Variants in MATCAP2 observed in about 807,000 individuals in gnomAD.
MATCAP2 encodes the protein putative tyrosine carboxypeptidase MATCAP2.
chr7:36,324,220 A>G, the MATCAP2 span: 8 of 152,376 alleles, frequency 5.3e-5, no homozygotes, highest in South Asian at 1.7e-3. Flanking sequence ...CACACACTTC[A>G]TCTGAGAACC....
At chr7:36,351,424 G>A in the MATCAP2 span, among the ~76,000 whole-genome samples, 1 of 151,822 alleles carries the variant, frequency 6.6e-6, no homozygotes, top group African/African-American at 2.4e-5. Flanking sequence ...AAAATATGAA[G>A]TCTATAAATG....
the MATCAP2 span, chr7:36,326,911 T>C: frequency 1.2e-6 from 2 of 1,600,400 alleles, no homozygotes; most frequent in East Asian, 4.5e-5. Flanking sequence ...CACATCTTCA[T>C]AAGAAACCTG....
the MATCAP2 span, among the ~76,000 whole-genome samples, chr7:36,347,491 T>C: frequency 6.6e-5 from 10 of 152,160 alleles, no homozygotes; most frequent in East Asian, 3.9e-4. Context: ...TGGTTTTACA[T>C]TGGGGCCCCA....
the MATCAP2 span, among the ~76,000 whole-genome samples, chr7:36,336,649 A>T: frequency 6.6e-6 from 1 of 152,116 alleles, no homozygotes; most frequent in Non-Finnish European, 1.5e-5. Flanking sequence ...TTGGCAGGAG[A>T]ACTCAGAGTG....
the MATCAP2 span, among the ~76,000 whole-genome samples, chr7:36,382,523 C>T: frequency 7.3e-5 from 11 of 151,584 alleles, no homozygotes; most frequent in African/African-American, 2.4e-4. Context: ...GATGGAGTCT[C>T]GCCTTGTTGT....
At chr7:36,373,012 G>A in the MATCAP2 span, among the ~76,000 whole-genome samples, 23 of 151,378 alleles carry the variant, frequency 1.5e-4, no homozygotes, top group East Asian at 4.5e-3. Context: ...GGCTGAGCCA[G>A]GAGGATTGCT....
the MATCAP2 span, chr7:36,334,146 C>G: frequency 6.2e-7 from 1 of 1,610,784 alleles, no homozygotes; most frequent in Middle Eastern, 1.7e-4. Flanking sequence ...GTTAATACCT[C>G]GAAAATAATG....
chr7:36,366,929 G>A, the MATCAP2 span: 1 of 1,434,310 alleles, frequency 7.0e-7, no homozygotes, highest in South Asian at 1.5e-5. Context: ...TCACGCGAAT[G>A]GACTCCAGCA....
the MATCAP2 span, among the ~76,000 whole-genome samples, chr7:36,371,456 C>A: frequency 6.6e-6 from 1 of 152,164 alleles, no homozygotes; most frequent in African/African-American, 2.4e-5. Flanking sequence ...TCTCTATATT[C>A]TTCTTACATA....
At chr7:36,346,609 T>C in the MATCAP2 span, among the ~76,000 whole-genome samples, 2 of 152,180 alleles carry the variant, frequency 1.3e-5, no homozygotes, top group East Asian at 3.8e-4. Context: ...AGACTGGTGG[T>C]TGCCTAGGGC....
the MATCAP2 span, chr7:36,355,716 C>A: frequency 3.3e-5 from 5 of 152,124 alleles, no homozygotes; most frequent in Admixed American, 1.3e-4. Flanking sequence ...GCACCACAGG[C>A]GAGAGAACCA....
chr7:36,340,615 C>T, the MATCAP2 span, among the ~76,000 whole-genome samples: 1 of 152,144 alleles, frequency 6.6e-6, no homozygotes, highest in Admixed American at 6.6e-5. Flanking sequence ...TATCTTGATT[C>T]TTTTCTTCAT....
chr7:36,344,702 C>T, the MATCAP2 span, among the ~76,000 whole-genome samples: 2 of 152,108 alleles, frequency 1.3e-5, no homozygotes, highest in East Asian at 3.8e-4. Flanking sequence ...GTTTTTAAAT[C>T]TTAAAAATTC....
At chr7:36,373,694 C>T in the MATCAP2 span, among the ~76,000 whole-genome samples, 1 of 152,136 alleles carries the variant, frequency 6.6e-6, no homozygotes, top group African/African-American at 2.4e-5. Flanking sequence ...AGTCCTCCCC[C>T]ACTACCTCCC....
chr7:36,372,066 T>C, the MATCAP2 span, among the ~76,000 whole-genome samples: 1 of 142,864 alleles, frequency 7.0e-6, no homozygotes, highest in Non-Finnish European at 1.5e-5. Flanking sequence ...GAGCATATCA[T>C]GCTTGCAACT....
the MATCAP2 span, chr7:36,357,331 G>C: frequency 6.2e-7 from 1 of 1,614,150 alleles, no homozygotes; most frequent in Non-Finnish European, 8.5e-7. Flanking sequence ...GAGGATCTTT[G>C]CTACGAGAAG....
the MATCAP2 span, among the ~76,000 whole-genome samples, chr7:36,328,723 C>T: frequency 4.4e-4 from 66 of 150,704 alleles, no homozygotes; most frequent in African/African-American, 1.5e-3. Context: ...CCAGCCTGGG[C>T]GACAGAGTAA....
chr7:36,363,913 C>A, the MATCAP2 span, among the ~76,000 whole-genome samples: 113 of 152,162 alleles, frequency 7.4e-4, no homozygotes, highest in African/African-American at 2.5e-3. Context: ...TATAGAAACA[C>A]CGCATGGAAA....
the MATCAP2 span, among the ~76,000 whole-genome samples, chr7:36,337,112 A>AAAAAAAAAAAAAAAAAAAAAAAAAC: frequency 6.9e-6 from 1 of 145,796 alleles, no homozygotes; most frequent in Non-Finnish European, 1.5e-5. Context: ...AAAAAAAAAA[A>AAAAAAAAAAAAAAAAAAAAAAAAAC]AAAAAAAAAA....
Sources: allele counts gnomAD v4.1 joint callset (sites outside exome capture counted in the v4.1 genomes callset), GRCh38; gene constraint gnomAD v4.1.1; transcripts MANE v1.5; gene names NCBI Gene and HGNC (gene_info 2026-07-23, HGNC 2026-07-21).